Variants in SLC35D1 observed in about 807,000 individuals in gnomAD.
The protein encoded by SLC35D1 is nucleotide sugar transporter SLC35D1.
SLC35D1 carries 31 observed loss-of-function variants against 46.7 expected under a neutral mutation model. The observed-to-expected ratio is 0.66, with a 90% CI of 0.50 to 0.90. The LOEUF is 0.90. Ranked by LOEUF, SLC35D1 falls within the 40% of genes least tolerant of loss-of-function variation. The probability of loss-of-function intolerance (pLI) is 0.00; values close to 1 mark genes in which losing one functional copy is unlikely to be tolerated. For synonymous variants in SLC35D1, 195 were observed against 164.6 expected (o/e 1.18, Z -1.41); for missense variants, 397 against 426.2 (o/e 0.93, Z 0.60).
intron 11 of SLC35D1, among the ~76,000 whole-genome samples, chr1:67,005,926 C>T (rs1404336652): frequency 6.6e-6 from 1 of 152,202 alleles, no homozygotes; most frequent in Non-Finnish European, 1.5e-5. Context: ...TTTAGCAACA[C>T]AATAAGTAAC....
chr1:67,050,947 G>A (rs569763345), intron 4 of SLC35D1, among the ~76,000 whole-genome samples: 48 of 152,198 alleles, frequency 3.2e-4, no homozygotes, highest in Admixed American at 3.1e-3. Context: ...CATTTTGCTT[G>A]TACTAATCAA....
intron 5 of SLC35D1, among the ~76,000 whole-genome samples, chr1:67,050,084 AT>A (rs1645291955): frequency 6.6e-6 from 1 of 152,178 alleles, no homozygotes; most frequent in South Asian, 2.1e-4. Context: ...GTGAGTTTGA[AT>A]TTTTGTGAAG....
intron 8 of SLC35D1, among the ~76,000 whole-genome samples, chr1:67,024,810 C>T (rs926601693): frequency 6.6e-6 from 1 of 152,040 alleles, no homozygotes; most frequent in Non-Finnish European, 1.5e-5. Context: ...GTGGCGTGAT[C>T]ATGGGTCACA....
At chr1:67,022,437 T>A (rs932933667) in intron 8 of SLC35D1, among the ~76,000 whole-genome samples, 5 of 152,228 alleles carry the variant, frequency 3.3e-5, no homozygotes, top group Non-Finnish European at 1.5e-5. Context: ...TTGCCTGGAA[T>A]GTCCTTCCCC....
At chr1:66,988,100 G>A in the SLC35D1 span, 1 of 124,568 alleles carries the variant, frequency 8.0e-6, no homozygotes. Context: ...GAATATAATA[G>A]GCAATATTTA....
the SLC35D1 span, among the ~76,000 whole-genome samples, chr1:66,984,018 C>T: frequency 2.6e-5 from 4 of 152,308 alleles, no homozygotes; most frequent in African/African-American, 9.6e-5. Flanking sequence ...GCCACTGCAC[C>T]CAGCCTTGTG....
At position 67,020,376 on chromosome 1, in the gene SLC35D1, C is replaced by T; in HGVS notation, c.869G>A (p.Cys290Tyr). Residue 290 changes from cysteine to tyrosine, a missense_variant, in exon 10 of 12, where the codon TGT becomes TAT. Cys to Tyr is a radical substitution (Grantham distance 194). Coordinates refer to ENST00000235345, the MANE Select transcript of SLC35D1 (RefSeq NM_015139.3). The stretch of plus-strand genomic sequence containing the variant: ...CAGTATTTTTCTACTTACCTTAATA[C>T]AGCCAACTATTGTAGTTGTAAGAGC... Reference protein sequence around the residue: ...NSALTTTIVGCIKNILITYIG... With the variant: ...NSALTTTIVGYIKNILITYIG... The T allele has an allele frequency of 6.3e-7, 1 of 1,598,212 alleles. No individual in the cohort carries two copies. The highest frequency in any genetic ancestry group is 8.6e-7 in the Non-Finnish European group (1 of 1,165,662).
intron 10 of SLC35D1, among the ~76,000 whole-genome samples, chr1:67,019,772 G>A (rs540096866): frequency 2.6e-5 from 4 of 152,290 alleles, no homozygotes; most frequent in African/African-American, 9.6e-5. Context: ...GAATCACAAA[G>A]TCAGATGAAA....
intron 7 of SLC35D1, among the ~76,000 whole-genome samples, chr1:67,046,790 T>C (rs1001900729): frequency 2.0e-5 from 3 of 152,220 alleles, no homozygotes; most frequent in Admixed American, 1.3e-4. Flanking sequence ...GGAAACACTG[T>C]GTTGCCCCTA....
the SLC35D1 span, among the ~76,000 whole-genome samples, chr1:66,992,634 G>A: frequency 6.6e-6 from 1 of 152,226 alleles, no homozygotes; most frequent in Non-Finnish European, 1.5e-5. Context: ...CGTATTCATG[G>A]CTAGAGCCAT....
intron 7 of SLC35D1, among the ~76,000 whole-genome samples, chr1:67,045,305 C>T (rs995164617): frequency 6.6e-6 from 1 of 152,204 alleles, no homozygotes; most frequent in African/African-American, 2.4e-5. Flanking sequence ...ATTATTACAT[C>T]TTATGATACA....
chr1:66,976,171 T>C, the SLC35D1 span, among the ~76,000 whole-genome samples: 1 of 151,764 alleles, frequency 6.6e-6, no homozygotes, highest in Admixed American at 6.6e-5. Context: ...GCCCGGCTAA[T>C]TTTTGTATTT....
chr1:67,014,908 T>C (rs1485308904), intron 10 of SLC35D1, among the ~76,000 whole-genome samples: 1 of 151,520 alleles, frequency 6.6e-6, no homozygotes, highest in Non-Finnish European at 1.5e-5. Flanking sequence ...CTCTTGGCCA[T>C]ACTAAGGATT....
At chr1:67,007,983 C>T (rs1436421400) in intron 11 of SLC35D1, among the ~76,000 whole-genome samples, 1 of 152,116 alleles carries the variant, frequency 6.6e-6, no homozygotes, top group East Asian at 1.9e-4. Flanking sequence ...AAAAGTAGAA[C>T]TCCTGGTATT....
intron 11 of SLC35D1, chr1:67,008,383 C>T (rs758617484): frequency 7.0e-6 from 9 of 1,282,818 alleles, no homozygotes; most frequent in South Asian, 1.2e-5. Context: ...GTGATCTGCC[C>T]GCCTCAGCCT....
At chr1:67,026,105 G>C (rs948801594) in intron 8 of SLC35D1, among the ~76,000 whole-genome samples, 2 of 152,114 alleles carry the variant, frequency 1.3e-5, no homozygotes, top group African/African-American at 2.4e-5. Flanking sequence ...TAGTGAAAAA[G>C]TATTCAGTCT....
intron 8 of SLC35D1, among the ~76,000 whole-genome samples, chr1:67,024,904 T>A (rs1667886646): frequency 1.3e-5 from 2 of 152,148 alleles, no homozygotes; most frequent in African/African-American, 4.8e-5. Flanking sequence ...CCACCATATC[T>A]GGCTAATATT....
intron 11 of SLC35D1, among the ~76,000 whole-genome samples, chr1:67,007,986 C>G (rs960679676): frequency 6.6e-6 from 1 of 152,222 alleles, no homozygotes. Flanking sequence ...AGTAGAACTC[C>G]TGGTATTAGT....
At chr1:67,027,569 C>T (rs1003065757) in intron 8 of SLC35D1, among the ~76,000 whole-genome samples, 1 of 152,110 alleles carries the variant, frequency 6.6e-6, no homozygotes, top group Non-Finnish European at 1.5e-5. Context: ...CCACCTCATC[C>T]CAGCTACTTT....
Sources: allele counts gnomAD v4.1 joint callset (sites outside exome capture counted in the v4.1 genomes callset), GRCh38; gene constraint gnomAD v4.1.1; transcripts MANE v1.5; gene names NCBI Gene and HGNC (gene_info 2026-07-23, HGNC 2026-07-21).